The following ZCCHC2 variants were observed in gnomAD, a reference collection of about 807,000 sequenced individuals.
ZCCHC2 encodes zinc finger CCHC-type containing 2.
In ZCCHC2, 39 loss-of-function variants were observed where a neutral mutation model predicts 103.6. The observed-to-expected ratio is 0.38, with a 90% CI of 0.29 to 0.49. The LOEUF (loss-of-function observed/expected upper bound fraction) is 0.49. Among genes scored for constraint, ZCCHC2 ranks in the 20% least tolerant of loss-of-function variants. The probability of loss-of-function intolerance (pLI) is 0.96; values close to 1 mark genes in which losing one functional copy is unlikely to be tolerated. For synonymous variants in ZCCHC2, 687 were observed against 608.9 expected (o/e 1.13, Z -1.89); for missense variants, 1,483 against 1,491.0 (o/e 0.99, Z 0.09).
Position 62,574,235 on chromosome 18 carries a change from T to C in ZCCHC2, c.2154T>C (p.Phe718=), listed in dbSNP as rs201802054. ...CACCCAAGTATCAGCATATTTCTTTTATGCCAACGTTACACTGTGTCATGC... is the reference window on the plus strand; with the variant it reads ...CACCCAAGTATCAGCATATTTCTTTCATGCCAACGTTACACTGTGTCATGC... ...LNSPKYQHIS[F]MPTLHCVMHN... The change falls in exon 13 of 14, where the codon TTT becomes TTC. Residue 718 remains phenylalanine, a synonymous_variant. Coordinates refer to ENST00000269499, the MANE Select transcript of ZCCHC2 (RefSeq NM_017742.6). 1.9e-4 allele frequency: 303 copies of C among 1,613,952 alleles called. 1 individual carries two copies. The highest frequency in any genetic ancestry group is 3.6e-5 in the Non-Finnish European group (43 of 1,179,908).
chr18:62,568,878 C>T (rs1353367046), intron 11 of ZCCHC2, among the ~76,000 whole-genome samples: 2 of 152,168 alleles, frequency 1.3e-5, no homozygotes, highest in East Asian at 1.9e-4. Context: ...CACTATGGCC[C>T]GTTAGCTTGT....
rs975264243 is a variant in ZCCHC2, at chr18:62,570,134, C to T, written c.1878C>T (p.Asp626=). The change falls in exon 12 of 14, where the codon GAC becomes GAT. Residue 626 remains aspartate (D), a synonymous_variant. Transcript: ENST00000269499. ...ATTTGGACATTGGCTCTGGACATGACACATGTGGAGAAACATCTTCAGAGA... is the reference window on the plus strand; with the variant it reads ...ATTTGGACATTGGCTCTGGACATGATACATGTGGAGAAACATCTTCAGAGA... ...DVNLDIGSGH[D]TCGETSSESY... The T allele has an allele frequency of 6.2e-7, 1 of 1,612,554 alleles. No individual in the cohort carries two copies.
chr18:62,530,970 T>C (rs535325558), intron 1 of ZCCHC2, among the ~76,000 whole-genome samples: 1 of 152,306 alleles, frequency 6.6e-6, no homozygotes, highest in Non-Finnish European at 1.5e-5. Context: ...CATGGATAAT[T>C]AAGAACATTT....
chr18:62,572,879 G>C (rs944687379), intron 12 of ZCCHC2, among the ~76,000 whole-genome samples: 40 of 152,148 alleles, frequency 2.6e-4, no homozygotes, highest in African/African-American at 8.9e-4. Context: ...TGGATTTTGG[G>C]ATAGTTTTTA....
At chr18:62,563,303 TCTG>T (rs1265568655) in intron 9 of ZCCHC2, among the ~76,000 whole-genome samples, 159 bp downstream of exon 9, 1 of 152,194 alleles carries the variant, frequency 6.6e-6, no homozygotes, top group Non-Finnish European at 1.5e-5. Context: ...TCTAAGCTCT[TCTG>T]AGACCTGAAA....
In ZCCHC2 at chr18:62,563,137, C is replaced by A; in HGVS notation, c.1679C>A (p.Ala560Asp). The change falls in exon 9 of 14, where the codon GCT becomes GAT. Residue 560 changes from alanine to aspartate, a missense_variant. Coordinates refer to ENST00000269499, the MANE Select transcript of ZCCHC2 (RefSeq NM_017742.6). The stretch of plus-strand genomic sequence containing the variant: ...CACCCAGAGCACTGTGTGACCTCGG[C>A]TGACCAGGTGTGTGGGGAGTTTGTT... ...IQHPEHCVTSADQHSAEKRSL... is the reference protein window; with the variant it reads ...IQHPEHCVTSDDQHSAEKRSL... The A allele has an allele frequency of 6.2e-7, 1 of 1,612,976 alleles. No individual in the cohort carries two copies. Among genetic ancestry groups the A allele is most frequent in the South Asian group, 1.1e-5 (1 of 91,018 alleles).
Position 62,576,855 on chromosome 18 carries a change from T to C in ZCCHC2, c.*276T>C. On this transcript the variant is annotated 3_prime_UTR_variant, in exon 14 of 14. Coordinates refer to ENST00000269499, the MANE Select transcript of ZCCHC2 (RefSeq NM_017742.6). ...AATGTTGGTGCGTGCTTTTTTTTTTTTTTTTACACTGAATACTTGCTGTGT... is the reference window on the plus strand; with the variant it reads ...AATGTTGGTGCGTGCTTTTTTTTTTCTTTTTACACTGAATACTTGCTGTGT... The C allele has an allele frequency of 1.3e-5, 4 of 318,704 alleles. No individual in the cohort carries two copies. The South Asian group carries it at 1.9e-4, about 15-fold the overall frequency. 19.7% of individuals were successfully genotyped at this position (318,704 alleles called of 1,614,324 possible).
rs1202826619 is a variant in ZCCHC2 at position 62,574,893 on chromosome 18, A to G, written c.2812A>G (p.Thr938Ala). 1 of 1,613,870 alleles carries G rather than the reference A, an allele frequency of 6.2e-7. No homozygotes were observed. Among genetic ancestry groups the G allele is most frequent in the Non-Finnish European group, 8.5e-7 (1 of 1,179,888 alleles). ...LPSQNSSVLS[T>A]AATSPQPASA... is the part of the protein sequence containing the mutation. ...CAGCCAGAACTCCAGTGTGCTCAGC[A>G]CAGCAGCAACTTCTCCCCAGCCAGC... Residue 938 changes from threonine to alanine, a missense_variant, in exon 13 of 14, where the codon ACA becomes GCA. Coordinates refer to ENST00000269499, the MANE Select transcript of ZCCHC2 (RefSeq NM_017742.6).
rs1460257072 is a variant in ZCCHC2 at position 62,523,457 on chromosome 18, G to A, written c.33G>A (p.Thr11=). The change falls in exon 1 of 14, where the codon ACG becomes ACA. Residue 11 remains threonine (T), a synonymous_variant. Transcript: ENST00000269499. The part of the protein sequence containing the change: MLRMKLPLKP[T]HPAEPPPEAE... ...GGATGAAGCTGCCGCTGAAGCCAAC[G>A]CACCCCGCGGAGCCGCCGCCCGAGG... The A allele has an allele frequency of 1.8e-6, 2 of 1,089,870 alleles. No homozygotes were observed. The highest frequency in any genetic ancestry group is 1.8e-5 in the African/African-American group (1 of 57,026). 67.5% of individuals were successfully genotyped at this position (1,089,870 alleles called of 1,614,324 possible). A position where few individuals can be genotyped will look rare whatever the true frequency, so the allele number is the denominator to read the frequency against.
At chr18:62,539,982 G>A (rs1421912283) in intron 2 of ZCCHC2, among the ~76,000 whole-genome samples, 190 bp downstream of exon 2, 1 of 152,140 alleles carries the variant, frequency 6.6e-6, no homozygotes, top group Non-Finnish European at 1.5e-5. Flanking sequence ...CTGCGCCACA[G>A]CCCTGCTTGT....
At chr18:62,527,902 C>T (rs1914505263) in intron 1 of ZCCHC2, among the ~76,000 whole-genome samples, 1 of 152,180 alleles carries the variant, frequency 6.6e-6, no homozygotes, top group Non-Finnish European at 1.5e-5. Context: ...ATTGAAAAGA[C>T]AGGAAGCAAG....
chr18:62,536,477 A>G (rs1598933579), intron 1 of ZCCHC2, among the ~76,000 whole-genome samples: 1 of 152,192 alleles, frequency 6.6e-6, no homozygotes, highest in Non-Finnish European at 1.5e-5. Context: ...TTTCATGGGA[A>G]TCTGAACTTA....
intron 1 of ZCCHC2, 78 bp downstream of exon 1, chr18:62,524,441 C>T: frequency 2.1e-6 from 3 of 1,408,978 alleles, no homozygotes; most frequent in Admixed American, 3.2e-5. Flanking sequence ...TCTCGGACGC[C>T]CCTTGCCCGA....
In ZCCHC2 at chr18:62,574,971, C is replaced by G. The variant is rs1029720355; in HGVS notation, c.2890C>G (p.His964Asp). Residue 964 changes from histidine to aspartate, a missense_variant, in exon 13 of 14, where the codon CAC becomes GAC. Transcript: ENST00000269499. The stretch of plus-strand genomic sequence containing the variant: ...AACTGTTCCTCCTGCAGTTCCTACC[C>G]ACACCCCAGGCCCTGCCCCGAGCCC... ...QATVPPAVPT[H>D]TPGPAPSPSP... 1 of 1,613,966 alleles carries G rather than the reference C, an allele frequency of 6.2e-7. No homozygotes were observed.
rs563687016 is a variant in ZCCHC2 at position 62,523,553 on chromosome 18, CCCGCCGCCG to C, written c.141_149del (p.Pro48_Pro50del). On this transcript the variant is annotated inframe_deletion, in exon 1 of 14. Coordinates refer to ENST00000269499, the MANE Select transcript of ZCCHC2 (RefSeq NM_017742.6). Reference sequence around the variant, plus strand: ...CGCGCCGCCGCCGCGACTGCCGCCCCCCGCCGCCGCCGCCGCCGCCCGCGGGCCCGTCGC... The same window carrying C: ...CGCGCCGCCGCCGCGACTGCCGCCCCCCGCCGCCGCCCGCGGGCCCGTCGC... 9 of 932,816 alleles carry C rather than the reference CCCGCCGCCG, an allele frequency of 9.6e-6. No homozygotes were observed. The highest frequency in any genetic ancestry group is 3.7e-5 in the African/African-American group (2 of 53,776). The allele number at this position is 932,816 out of a possible 1,614,324, so 57.8% of individuals were successfully genotyped here.
At chr18:62,540,265 A>G (rs147644370) in intron 2 of ZCCHC2, among the ~76,000 whole-genome samples, 2 of 152,312 alleles carry the variant, frequency 1.3e-5, no homozygotes, top group Non-Finnish European at 2.9e-5. Flanking sequence ...CTGAACAGGA[A>G]TGAATTCAAA....
intron 7 of ZCCHC2, among the ~76,000 whole-genome samples, chr18:62,560,083 A>C (rs1231989111): frequency 2.0e-5 from 3 of 152,214 alleles, no homozygotes; most frequent in Non-Finnish European, 4.4e-5. Context: ...CTTGCACTAG[A>C]ATGTTTCAAC....
intron 8 of ZCCHC2, among the ~76,000 whole-genome samples, chr18:62,560,905 C>T (rs1515681): frequency 0.77 from 116,761 of 151,944 alleles, 46,045 homozygotes; most frequent in East Asian, 1. Flanking sequence ...CTTCTAGTGG[C>T]TACCCTAGAG....
chr18:62,539,115 C>CG (rs1389578141), intron 1 of ZCCHC2, among the ~76,000 whole-genome samples: 2 of 152,102 alleles, frequency 1.3e-5, no homozygotes, highest in African/African-American at 4.8e-5. Flanking sequence ...AAAGTTACCC[C>CG]GGTTCACTAG....
Sources: gnomAD v4.1 joint callset for allele counts (sites outside exome capture counted in the v4.1 genomes callset) on GRCh38, gnomAD v4.1.1 for gene constraint, MANE v1.5 for transcripts, NCBI Gene and HGNC (gene_info 2026-07-23, HGNC 2026-07-21) for gene names.